The following DAB2IP variants were observed in gnomAD, a reference collection of about 807,000 sequenced individuals.
DAB2IP encodes DAB2 interacting protein.
In DAB2IP, 28 loss-of-function variants were observed where a neutral mutation model predicts 107.2. The observed-to-expected ratio is 0.26, with a 90% CI of 0.19 to 0.36. The LOEUF is 0.36. DAB2IP is among the 10% of genes least tolerant of loss of function. The pLI is 1.00. For synonymous variants in DAB2IP, 755 were observed against 706.4 expected, an observed-to-expected ratio of 1.07 and a Z score of -1.09; for missense variants, 1,400 against 1,644.7, an observed-to-expected ratio of 0.85 and a Z score of 2.57.
intron 10 of DAB2IP, 140 bp from the exon 11 acceptor site, chr9:121,770,406 A>G: frequency 1.1e-6 from 1 of 894,024 alleles, no homozygotes; most frequent in African/African-American, 1.7e-5. Flanking sequence ...TCCCAGACCC[A>G]GTGGCTCTGA....
In DAB2IP at chr9:121,666,582, G is replaced by A. The variant is rs140882935; in HGVS notation, c.125-12096G>A. Among the ~76,000 whole-genome samples, 75 of 152,150 alleles carry A rather than the reference G, an allele frequency of 4.9e-4. 1 individual carries two copies. The highest frequency in any genetic ancestry group is 1.7e-3 in the South Asian group (8 of 4,816). The stretch of plus-strand genomic sequence containing the variant: ...GATCACAGGGAGGGGAAGATCACAC[G>A]CCGGGGCCTGTCGGCGGGTTGGGGG... On this transcript the variant is annotated intron_variant, in intron 1 of 15. Coordinates refer to ENST00000408936, the Ensembl canonical transcript of DAB2IP.
chr9:121,737,847 A>G (rs1589611658), intron 3 of DAB2IP: 6 of 929,842 alleles, frequency 6.5e-6, no homozygotes, highest in Admixed American at 6.2e-5. Flanking sequence ...TGTTTCTCCA[A>G]TGAGGCCTGG....
rs916342283 is a variant in DAB2IP at position 121,635,996 on chromosome 9, C to T, written c.41-42682C>T. ...TCGGCTCACTGCAACCTCTGCCTCCCAGGTTCAAGTGATTCTCGTGTCTCA... is the reference window on the plus strand; with the variant it reads ...TCGGCTCACTGCAACCTCTGCCTCCTAGGTTCAAGTGATTCTCGTGTCTCA... On this transcript the variant is annotated intron_variant, in intron 1 of 16. Transcript: ENST00000259371. The surrounding 1 kb of genome is among the most constrained non-coding windows in gnomAD (Gnocchi z 4.3). 1.3e-5 allele frequency among the ~76,000 whole-genome samples: 2 copies of T among 152,174 alleles called. No homozygotes were observed. The highest frequency in any genetic ancestry group is 1.3e-4 in the Admixed American group (2 of 15,286).
At chr9:121,766,751 C>T (rs750287694) in intron 9 of DAB2IP, 21 bp downstream of exon 9, 2 of 1,612,296 alleles carry the variant, frequency 1.2e-6, no homozygotes, top group Non-Finnish European at 1.7e-6. Context: ...CCTCCCTCAC[C>T]AGGCAGAGTT....
chr9:121,630,667 A>G (rs1304969295), intron 1 of DAB2IP, among the ~76,000 whole-genome samples: 3 of 150,350 alleles, frequency 2.0e-5, no homozygotes, highest in Admixed American at 1.3e-4. Flanking sequence ...GAGTGCAGTG[A>G]TGCAATCTTG....
chr9:121,741,483 C>T (rs1418698111), intron 3 of DAB2IP, among the ~76,000 whole-genome samples: 1 of 152,146 alleles, frequency 6.6e-6, no homozygotes, highest in Non-Finnish European at 1.5e-5. Flanking sequence ...TCCTACTCAC[C>T]CAGCAGACTT....
upstream of DAB2IP, among the ~76,000 whole-genome samples, chr9:121,649,474 GA>G (rs2119054812): frequency 9.7e-6 from 1 of 102,870 alleles, no homozygotes; most frequent in Non-Finnish European, 2.5e-5. Context: ...TGATAACAGT[GA>G]GTTGATTGTG....
rs1835217908 is a variant in DAB2IP, at chr9:121,776,617, T to G, written c.3314+226T>G. On this transcript the variant is annotated intron_variant, in intron 14 of 15. Transcript: ENST00000408936. The surrounding 1 kb of genome is among the most constrained non-coding windows in gnomAD (Gnocchi z 5.4). Reference sequence around the variant, plus strand: ...CAGAATACAAAGCTGGGGATGAGGCTGGACCAATGACAGCTGGCTCCCGAC... The same window carrying G: ...CAGAATACAAAGCTGGGGATGAGGCGGGACCAATGACAGCTGGCTCCCGAC... Among the ~76,000 whole-genome samples the G allele has an allele frequency of 6.6e-6, 1 of 152,082 alleles. No individual in the cohort carries two copies. Among genetic ancestry groups the G allele is most frequent in the African/African-American group, 2.4e-5 (1 of 41,418 alleles).
At chr9:121,602,846 A>G (rs1830735293) in intron 1 of DAB2IP, among the ~76,000 whole-genome samples, 1 of 152,174 alleles carries the variant, frequency 6.6e-6, no homozygotes, top group South Asian at 2.1e-4. Context: ...AAGTACTGGG[A>G]TTACAGGCGT....
At chr9:121,741,846 A>G (rs948221688) in intron 3 of DAB2IP, among the ~76,000 whole-genome samples, 17 of 150,980 alleles carry the variant, frequency 1.1e-4, no homozygotes, top group Non-Finnish European at 2.2e-4. Flanking sequence ...CCTCTCGGCA[A>G]TCCTATGAGG....
chr9:121,582,326 G>T (rs1182031592), intron 1 of DAB2IP, among the ~76,000 whole-genome samples: 1 of 152,150 alleles, frequency 6.6e-6, no homozygotes, highest in East Asian at 1.9e-4. Context: ...GGGATGAGCA[G>T]CCGGCAGCCC....
chr9:121,762,920 G>C (rs570605749), intron 6 of DAB2IP, among the ~76,000 whole-genome samples: 95 of 152,310 alleles, frequency 6.2e-4, no homozygotes, highest in African/African-American at 2.2e-3. Flanking sequence ...GGTGGGCAGT[G>C]GCGCCTCCAC....
chr9:121,712,532 A>G (rs750248882), intron 3 of DAB2IP, among the ~76,000 whole-genome samples: 1 of 151,984 alleles, frequency 6.6e-6, no homozygotes, highest in African/African-American at 2.4e-5. Flanking sequence ...AGTGATTCCT[A>G]TTTGAGATTT....
At chr9:121,620,998 C>T (rs1831442556) in intron 1 of DAB2IP, among the ~76,000 whole-genome samples, 1 of 152,206 alleles carries the variant, frequency 6.6e-6, no homozygotes, top group African/African-American at 2.4e-5. Context: ...TTCACCTGCT[C>T]CCCCAGGTCC....
rs1055249148 is a variant in DAB2IP at position 121,760,067 on chromosome 9, G to A, written c.798G>A (p.Pro266=). Residue 266 remains proline, a synonymous_variant, in exon 6 of 16, where the codon CCG becomes CCA. Transcript: ENST00000408936. The surrounding 1 kb of genome is among the most constrained non-coding windows in gnomAD (Gnocchi z 5.9). ...AGCACTTCGAGTTCCACAACTTGCC[G>A]CCTCTGCGCACGGTCACTGTCCACC... 17 of 1,613,972 alleles carry A rather than the reference G, an allele frequency of 1.1e-5. No individual in the cohort carries two copies. Among genetic ancestry groups the A allele is most frequent in the East Asian group, 2.2e-5 (1 of 44,872 alleles).
chr9:121,675,663 C>T (rs1364242669), intron 1 of DAB2IP, among the ~76,000 whole-genome samples: 1 of 152,202 alleles, frequency 6.6e-6, no homozygotes, highest in East Asian at 1.9e-4. Flanking sequence ...ACACACTGGA[C>T]CCTCATTCCT....
intron 3 of DAB2IP, among the ~76,000 whole-genome samples, chr9:121,749,092 C>T (rs905676444): frequency 1.2e-4 from 18 of 152,180 alleles, no homozygotes; most frequent in Non-Finnish European, 2.2e-4. Context: ...GGCTCTGTCT[C>T]CCCAGGGCCC....
At chr9:121,781,101 C>A (rs899341862) in intron 14 of DAB2IP, among the ~76,000 whole-genome samples, 1 of 152,206 alleles carries the variant, frequency 6.6e-6, no homozygotes, top group Non-Finnish European at 1.5e-5. Context: ...AGTTCTAGAG[C>A]CTTTCAGGGC....
chr9:121,696,995 C>A (rs778463469), intron 2 of DAB2IP, among the ~76,000 whole-genome samples: 1 of 152,182 alleles, frequency 6.6e-6, no homozygotes, highest in Non-Finnish European at 1.5e-5. Flanking sequence ...CATAATGGCT[C>A]TCATTAAGGT....
Sources: gnomAD v4.1 joint callset for allele counts (sites outside exome capture counted in the v4.1 genomes callset) on GRCh38, gnomAD v4.1.1 for gene constraint, Gnocchi (gnomAD v3.1) non-coding constraint, MANE v1.5 for transcripts, NCBI Gene and HGNC (gene_info 2026-07-23, HGNC 2026-07-21) for gene names.